KCNAB1: variants seen among roughly 807,000 people sequenced by gnomAD.
KCNAB1 encodes voltage-gated potassium channel subunit beta-1.
Under a neutral mutation model 64.6 loss-of-function variants are expected in KCNAB1, and 35 were observed. The ratio of observed to expected loss-of-function variants is 0.54; its 90% CI spans 0.41 to 0.72. The LOEUF (loss-of-function observed/expected upper bound fraction) is 0.72. KCNAB1 is among the 30% of genes least tolerant of loss of function. The pLI is 0.00. For missense variants in KCNAB1, 401 were observed against 512.9 expected, an observed-to-expected ratio of 0.78 and a Z score of 2.11; for synonymous variants, 177 against 183.8, an observed-to-expected ratio of 0.96 and a Z score of 0.30.
intron 12 of KCNAB1, among the ~76,000 whole-genome samples, chr3:156,524,771 A>AG (rs1559930276): frequency 7.1e-6 from 1 of 140,454 alleles, no homozygotes; most frequent in Non-Finnish European, 1.5e-5. Flanking sequence ...AAAAAAAAAA[A>AG]AAAAAGAAAA....
chr3:156,463,863 GTT>G (rs397726486), intron 6 of KCNAB1, 117 bp downstream of exon 6: 4 of 574,982 alleles, frequency 7.0e-6, no homozygotes, highest in African/African-American at 2.4e-5. Context: ...AGGGTTTTTT[GTT>G]TTTTTTTTGT....
intron 1 of KCNAB1, among the ~76,000 whole-genome samples, chr3:156,262,408 A>C (rs1015115753): frequency 6.8e-4 from 103 of 152,026 alleles, no homozygotes; most frequent in African/African-American, 2.5e-3. Flanking sequence ...AATAGGTGTT[A>C]GATTTTGATA....
intron 1 of KCNAB1, among the ~76,000 whole-genome samples, chr3:156,121,218 C>CA (rs978535680): frequency 2.1e-4 from 32 of 152,164 alleles, no homozygotes; most frequent in Admixed American, 2.1e-3. Flanking sequence ...AAAATAACTA[C>CA]AAAAAAGAGT....
intron 1 of KCNAB1, among the ~76,000 whole-genome samples, chr3:156,385,153 A>G (rs1271011834): frequency 6.6e-6 from 1 of 152,182 alleles, no homozygotes; most frequent in Non-Finnish European, 1.5e-5. Flanking sequence ...GAGTACCTTT[A>G]GGGCTTTCTA....
At chr3:156,280,237 T>C (rs2108502632) in intron 1 of KCNAB1, among the ~76,000 whole-genome samples, 1 of 150,282 alleles carries the variant, frequency 6.7e-6, no homozygotes, top group South Asian at 2.1e-4. Flanking sequence ...CCTTTCCCCA[T>C]TGCTTGTTTT....
intron 1 of KCNAB1, among the ~76,000 whole-genome samples, chr3:156,140,539 C>T (rs1389956399): frequency 1.3e-5 from 2 of 152,080 alleles, no homozygotes; most frequent in African/African-American, 2.4e-5. Flanking sequence ...CTGAGGGCTC[C>T]AAGATCACAA....
intron 11 of KCNAB1, among the ~76,000 whole-genome samples, chr3:156,518,497 A>T (rs1354305197): frequency 6.6e-6 from 1 of 152,170 alleles, no homozygotes; most frequent in East Asian, 1.9e-4. Flanking sequence ...GGAAGGAAGG[A>T]AGGTTAATTA....
At chr3:156,387,568 G>C (rs764910806) in intron 1 of KCNAB1, among the ~76,000 whole-genome samples, 89 of 152,170 alleles carry the variant, frequency 5.8e-4, no homozygotes, top group Non-Finnish European at 1.0e-3. Context: ...TTCAGTTACA[G>C]TGATTGATTT....
At position 156,173,173 on chromosome 3, in the gene KCNAB1, C is replaced by G. The variant is rs78463156; in HGVS notation, c.275+52287C>G. Among the ~76,000 whole-genome samples, 509 of 152,276 alleles carry G rather than the reference C, an allele frequency of 3.3e-3. 2 individuals carry two copies. Among genetic ancestry groups the G allele is most frequent in the Non-Finnish European group, 5.5e-3 (376 of 68,020 alleles). On this transcript the variant is annotated intron_variant, in intron 1 of 13. Coordinates refer to ENST00000490337, the MANE Select transcript of KCNAB1 (RefSeq NM_172160.3). ...TGTTGCTGTCTAAGAGGGGCAGGGA[C>G]CCTGGTCACAAGGCCCTGACACAAA...
intron 1 of KCNAB1, among the ~76,000 whole-genome samples, chr3:156,312,703 CAAAAAAAAAAAAA>C (rs397991453): frequency 1.5e-4 from 4 of 27,406 alleles, no homozygotes; most frequent in Admixed American, 6.0e-4. Context: ...AGACTGTCTC[CAAAAAAAAAAAAA>C]AAAAAAAAAA....
chr3:156,525,470 G>T (rs1460203179), intron 12 of KCNAB1, among the ~76,000 whole-genome samples: 2 of 152,184 alleles, frequency 1.3e-5, no homozygotes, highest in African/African-American at 4.8e-5. Flanking sequence ...CAATGTGTTT[G>T]TGTTTTAAGC....
At chr3:156,530,458 G>A (rs912788494) in intron 12 of KCNAB1, among the ~76,000 whole-genome samples, 2 of 152,148 alleles carry the variant, frequency 1.3e-5, no homozygotes, top group African/African-American at 2.4e-5. Context: ...TAAGAGTACA[G>A]GTTTAAGGTC....
At chr3:156,244,929 C>T (rs764585803) in intron 1 of KCNAB1, among the ~76,000 whole-genome samples, 20 of 152,192 alleles carry the variant, frequency 1.3e-4, no homozygotes, top group Non-Finnish European at 2.2e-4. Context: ...TTTGCATTAT[C>T]GCCTCTAGAG....
At position 156,476,522 on chromosome 3, in the gene KCNAB1, T is replaced by TACAC. The variant is rs10542832; in HGVS notation, c.658+1723_658+1726dup. Among the ~76,000 whole-genome samples, 299 of 147,562 alleles carry TACAC rather than the reference T, an allele frequency of 2.0e-3. 2 individuals are homozygous for TACAC. In the Middle Eastern group the frequency reaches 0.021, roughly 10 times the overall value. ...TAGTATTCCATCATATATATATATATACACACACACACACACACACACACG... is the reference window on the plus strand; with the variant it reads ...TAGTATTCCATCATATATATATATATACACACACACACACACACACACACACACG... On this transcript the variant is annotated intron_variant, in intron 8 of 13. Transcript: ENST00000490337.
intron 1 of KCNAB1, among the ~76,000 whole-genome samples, chr3:156,130,164 G>A (rs1173689247): frequency 6.6e-6 from 1 of 152,202 alleles, no homozygotes; most frequent in South Asian, 2.1e-4. Flanking sequence ...CAAAGTATAT[G>A]TGAAAATGCT....
At chr3:156,425,360 A>G (rs1715746233) in intron 2 of KCNAB1, among the ~76,000 whole-genome samples, 1 of 152,214 alleles carries the variant, frequency 6.6e-6, no homozygotes, top group Non-Finnish European at 1.5e-5. Context: ...AAATGTGTAA[A>G]TGGGAGTAGA....
intron 1 of KCNAB1, among the ~76,000 whole-genome samples, chr3:156,392,373 A>G (rs1192710391): frequency 6.6e-6 from 1 of 152,216 alleles, no homozygotes; most frequent in African/African-American, 2.4e-5. Flanking sequence ...CTATTGTAAA[A>G]GGTAGATTTC....
intron 1 of KCNAB1, among the ~76,000 whole-genome samples, chr3:156,333,643 G>A (rs2108049984): frequency 6.6e-6 from 1 of 152,212 alleles, no homozygotes; most frequent in Non-Finnish European, 1.5e-5. Flanking sequence ...ATATTTATAA[G>A]AGATGTAAAA....
chr3:156,373,525 T>G (rs1726466079), intron 1 of KCNAB1, among the ~76,000 whole-genome samples: 1 of 152,230 alleles, frequency 6.6e-6, no homozygotes, highest in Non-Finnish European at 1.5e-5. Flanking sequence ...TGAAGTGCAT[T>G]TTAAATGTTT....
Sources: gnomAD v4.1 joint callset for allele counts (sites outside exome capture counted in the v4.1 genomes callset) on GRCh38, gnomAD v4.1.1 for gene constraint, MANE v1.5 for transcripts, NCBI Gene and HGNC (gene_info 2026-07-23, HGNC 2026-07-21) for gene names.